PHKB: variants seen among roughly 807,000 people sequenced by gnomAD.
The protein encoded by PHKB is phosphorylase kinase regulatory subunit beta, also known as phosphorylase b kinase regulatory subunit beta.
In PHKB, 122 loss-of-function variants were observed where a neutral mutation model predicts 152.1. The observed-to-expected ratio is 0.80, with a 90% CI of 0.69 to 0.93. The LOEUF is 0.93. PHKB is among the 40% of genes least tolerant of loss of function. The pLI, the probability that PHKB is intolerant of heterozygous loss-of-function variation, is 0.00. For missense variants in PHKB, 1,304 were observed against 1,328.4 expected (o/e 0.98, Z 0.29); for synonymous variants, 436 against 464.9 (o/e 0.94, Z 0.80).
chr16:47,461,746 GGAATGTGTCTTCCCTGT>G (rs945480888), intron 1 of PHKB, among the ~76,000 whole-genome samples: 18 of 152,298 alleles, frequency 1.2e-4, no homozygotes, highest in African/African-American at 3.6e-4. Context: ...CCTGGGAAAG[GGAATGTGTCTTCCCTGT>G]GAATGTGTCT....
intron 26 of PHKB, among the ~76,000 whole-genome samples, chr16:47,687,113 G>GT (rs2142100100): frequency 6.6e-6 from 1 of 152,246 alleles, no homozygotes; most frequent in East Asian, 1.9e-4. Context: ...GTCTTCCGAT[G>GT]TTTAATTCAG....
At chr16:47,618,374 C>G (rs1209575008) in intron 14 of PHKB, among the ~76,000 whole-genome samples, 1 of 152,130 alleles carries the variant, frequency 6.6e-6, no homozygotes, top group East Asian at 1.9e-4. Flanking sequence ...ACTCTGCTCT[C>G]TGGAACTAGG....
chr16:47,506,150 G>A (rs571669811), intron 4 of PHKB, among the ~76,000 whole-genome samples: 10 of 150,728 alleles, frequency 6.6e-5, no homozygotes, highest in Non-Finnish European at 1.3e-4. Flanking sequence ...TCAGGAGTTC[G>A]AGACCAGCCT....
intron 1 of PHKB, among the ~76,000 whole-genome samples, chr16:47,467,693 G>C (rs1375164077): frequency 4.6e-5 from 7 of 152,134 alleles, no homozygotes; most frequent in African/African-American, 1.7e-4. Context: ...CTCAGGCTGT[G>C]TCATTATGCT....
chr16:47,641,002 A>G, intron 14 of PHKB, 33 bp from the exon 15 acceptor site: 3 of 1,590,160 alleles, frequency 1.9e-6, no homozygotes, highest in Non-Finnish European at 1.7e-6. Context: ...GATCTTTTAA[A>G]ATGTTTTCCC....
chr16:47,571,209 A>G (rs1221008144), intron 7 of PHKB, among the ~76,000 whole-genome samples: 1 of 151,278 alleles, frequency 6.6e-6, no homozygotes, highest in African/African-American at 2.4e-5. Flanking sequence ...AGTGTGTACT[A>G]CTCTCCTCCC....
At chr16:47,605,532 G>T (rs1972306456) in intron 13 of PHKB, among the ~76,000 whole-genome samples, 1 of 152,124 alleles carries the variant, frequency 6.6e-6, no homozygotes, top group Non-Finnish European at 1.5e-5. Context: ...GTGAAAACTT[G>T]TTCGTTTTAG....
At chr16:47,603,174 T>G (rs1440695811) in intron 13 of PHKB, among the ~76,000 whole-genome samples, 1 of 152,298 alleles carries the variant, frequency 6.6e-6, no homozygotes, top group East Asian at 1.9e-4. Flanking sequence ...AGGTCTTGAT[T>G]TTCTTTGATC....
chr16:47,593,568 T>C lies in PHKB; in HGVS notation c.1126+11T>C, dbSNP rs768236437. On this transcript the variant is annotated intron_variant, in intron 11 of 30. Coordinates refer to ENST00000323584, the MANE Select transcript of PHKB (RefSeq NM_000293.3). ...ATATGATGATTGATGGTAAGTAAGCTTTTTCCTGAAATTTAAGCAAGCTTT... is the reference window on the plus strand; with the variant it reads ...ATATGATGATTGATGGTAAGTAAGCCTTTTCCTGAAATTTAAGCAAGCTTT... The C allele has an allele frequency of 4.9e-6, 7 of 1,439,316 alleles. No homozygotes were observed. Among genetic ancestry groups the C allele is most frequent in the Non-Finnish European group, 6.9e-6 (7 of 1,021,312 alleles). 89.2% of individuals were successfully genotyped at this position (1,439,316 alleles called of 1,614,324 possible). A position where few individuals can be genotyped will look rare whatever the true frequency, so the allele number is the denominator to read the frequency against.
chr16:47,544,865 T>G (rs1329284398), intron 6 of PHKB, among the ~76,000 whole-genome samples: 1 of 152,222 alleles, frequency 6.6e-6, no homozygotes, highest in Admixed American at 6.5e-5. Flanking sequence ...CTTTGTCTCT[T>G]TTGATCTTTG....
At chr16:47,576,557 A>T (rs1971752710) in intron 7 of PHKB, among the ~76,000 whole-genome samples, 1 of 152,188 alleles carries the variant, frequency 6.6e-6, no homozygotes, top group South Asian at 2.1e-4. Context: ...AGAAAAGGAG[A>T]AAAGTGTGCA....
At chr16:47,696,355 T>C in intron 28 of PHKB, 26 bp from the exon 29 acceptor site, 1 of 1,075,162 alleles carries the variant, frequency 9.3e-7, no homozygotes, top group East Asian at 2.4e-5. Flanking sequence ...CGGTTCAGCA[T>C]GTTAATGTGG....
intron 1 of PHKB, among the ~76,000 whole-genome samples, chr16:47,474,649 G>T (rs768603456): frequency 4.0e-5 from 6 of 151,828 alleles, no homozygotes; most frequent in Non-Finnish European, 8.8e-5. Context: ...GTAAATATCT[G>T]ATGATTGATA....
intron 6 of PHKB, 132 bp downstream of exon 6, chr16:47,515,733 A>G (rs1231259490): frequency 7.6e-6 from 5 of 657,712 alleles, no homozygotes; most frequent in Non-Finnish European, 1.4e-5. Flanking sequence ...CAGATAGTAG[A>G]TGTTGGTTGT....
At chr16:47,689,641 A>G (rs1004897451) in intron 27 of PHKB, among the ~76,000 whole-genome samples, 1 of 152,248 alleles carries the variant, frequency 6.6e-6, no homozygotes, top group East Asian at 1.9e-4. Flanking sequence ...ACTAAGAACA[A>G]AACAAATACT....
intron 2 of PHKB, among the ~76,000 whole-genome samples, chr16:47,498,397 G>A (rs1970268869): frequency 6.6e-6 from 1 of 152,132 alleles, no homozygotes; most frequent in South Asian, 2.1e-4. Context: ...CAATTTAGAG[G>A]CTGGGCATGG....
At chr16:47,509,253 A>G (rs1970469117) in intron 4 of PHKB, among the ~76,000 whole-genome samples, 1 of 152,232 alleles carries the variant, frequency 6.6e-6, no homozygotes, top group Non-Finnish European at 1.5e-5. Flanking sequence ...TACTGCCAGC[A>G]GTTTCAGATA....
At chr16:47,561,975 G>A (rs997222719) in intron 7 of PHKB, 1 of 152,144 alleles carries the variant, frequency 6.6e-6, no homozygotes, top group Non-Finnish European at 1.5e-5. Context: ...AGAGGGGTGG[G>A]TATGTTGTCA....
At chr16:47,680,719 G>T (rs2142092434) in intron 26 of PHKB, among the ~76,000 whole-genome samples, 2 of 152,172 alleles carry the variant, frequency 1.3e-5, no homozygotes, top group East Asian at 3.9e-4. Context: ...CAAAAAACCA[G>T]CTCCTGGATT....
Sources: gnomAD v4.1 joint callset for allele counts (sites outside exome capture counted in the v4.1 genomes callset) on GRCh38, gnomAD v4.1.1 for gene constraint, MANE v1.5 for transcripts, NCBI Gene and HGNC (gene_info 2026-07-23, HGNC 2026-07-21) for gene names.